Variants in DGLUCY observed in about 807,000 individuals in gnomAD.
The protein encoded by DGLUCY is D-glutamate cyclase, mitochondrial.
Under a neutral mutation model 58.5 loss-of-function variants are expected in DGLUCY, and 58 were observed. The ratio of observed to expected loss-of-function variants is 0.99; its 90% CI spans 0.80 to 1.23. The LOEUF (loss-of-function observed/expected upper bound fraction) is 1.23. DGLUCY is among the 50% of genes most tolerant of loss of function. The probability of loss-of-function intolerance (pLI) is 0.00; values close to 1 mark genes in which losing one functional copy is unlikely to be tolerated. For missense variants in DGLUCY, 779 were observed against 784.7 expected (o/e 0.99, Z 0.09); for synonymous variants, 325 against 314.1 (o/e 1.03, Z -0.37).
intron 1 of DGLUCY, among the ~76,000 whole-genome samples, chr14:91,095,070 C>A (rs1392316417): frequency 6.6e-6 from 1 of 152,164 alleles, no homozygotes; most frequent in Non-Finnish European, 1.5e-5. Context: ...CTCCTCTGGT[C>A]ATGAGACAGC....
At chr14:91,136,184 C>T (rs575762332) in intron 1 of DGLUCY, among the ~76,000 whole-genome samples, 2 of 151,846 alleles carry the variant, frequency 1.3e-5, no homozygotes, top group Admixed American at 6.6e-5. Flanking sequence ...CCACCTGCCT[C>T]GGCCTCCCAA....
chr14:91,118,853 C>T (rs994583257), intron 1 of DGLUCY, among the ~76,000 whole-genome samples: 1 of 152,116 alleles, frequency 6.6e-6, no homozygotes, highest in East Asian at 1.9e-4. Flanking sequence ...CACGGTGGCT[C>T]ATGCCTGTAA....
At chr14:91,187,986 C>T (rs536632875) in intron 8 of DGLUCY, among the ~76,000 whole-genome samples, 1 of 152,110 alleles carries the variant, frequency 6.6e-6, no homozygotes, top group South Asian at 2.1e-4. Flanking sequence ...GTACCATTTC[C>T]CTTCCCTCTT....
chr14:91,160,467 T>C (rs1303010971), intron 3 of DGLUCY, 70 bp downstream of exon 3: 1 of 1,150,794 alleles, frequency 8.7e-7, no homozygotes, highest in Non-Finnish European at 1.2e-6. Context: ...TTACCAGCTG[T>C]GTAGGGCCCA....
chr14:91,207,155 T>C (rs2140656031), intron 12 of DGLUCY, among the ~76,000 whole-genome samples: 1 of 6,360 alleles, frequency 1.6e-4, no homozygotes, highest in East Asian at 0.083. Context: ...CAAGACACTG[T>C]CTCAGGAAAA....
At chr14:91,221,058 G>A (rs78510655) in intron 13 of DGLUCY, among the ~76,000 whole-genome samples, 15,222 of 152,288 alleles carry the variant, frequency 0.1, 1,103 homozygotes, top group East Asian at 0.3. Context: ...GCCTTGAAGT[G>A]GAGGCTGGAG....
chr14:91,186,102 A>T (rs746814492), intron 8 of DGLUCY, among the ~76,000 whole-genome samples: 4 of 152,184 alleles, frequency 2.6e-5, no homozygotes, highest in Non-Finnish European at 4.4e-5. Context: ...TGATTTTTGC[A>T]CTGATGATAA....
chr14:91,195,535 TGGGTGAGAATTTG>T (rs2050148152), intron 9 of DGLUCY, among the ~76,000 whole-genome samples: 1 of 151,908 alleles, frequency 6.6e-6, no homozygotes, highest in East Asian at 1.9e-4. Flanking sequence ...AGGTAGGGAG[TGGGTGAGAATTTG>T]GGGTGAGAAT....
rs1013889256 is a variant in DGLUCY at position 91,129,738 on chromosome 14, C to T, written c.-82+15455C>T. On this transcript the variant is annotated intron_variant, in intron 1 of 13. Coordinates refer to ENST00000256324, the MANE Select transcript of DGLUCY (RefSeq NM_001102368.3). ...CTCGGCTCACCACAACCTCTGCCTT[C>T]CGGGTTCAAGCGATTCTCCTGCCTC... 5.9e-5 allele frequency among the ~76,000 whole-genome samples: 9 copies of T among 152,062 alleles called. No individual in the cohort carries two copies. The South Asian group carries it at 1.0e-3, about 17-fold the overall frequency.
rs1157907376 is a variant in DGLUCY, at chr14:91,131,941, G to A, written c.-82+17658G>A. On this transcript the variant is annotated intron_variant, in intron 1 of 13. Transcript: ENST00000256324. ...CCCAAGTAGCTGGGATTACAAGAGT[G>A]TGCCACCACACCCAGCTAATTTTGT... Among the ~76,000 whole-genome samples, 4 of 152,280 alleles carry A rather than the reference G, an allele frequency of 2.6e-5. No homozygotes were observed. In the South Asian group the frequency reaches 8.3e-4, roughly 32 times the overall value.
rs1050632083 is a variant in DGLUCY at position 91,191,225 on chromosome 14, C to T, written c.1195+2055C>T. ...AAGCCAGTCATATTGTATGACTCCACGCATATGACGTGCCTAGAGTAGGCA... is the reference window on the plus strand; with the variant it reads ...AAGCCAGTCATATTGTATGACTCCATGCATATGACGTGCCTAGAGTAGGCA... On this transcript the variant is annotated intron_variant, in intron 9 of 13. Transcript: ENST00000256324. Among the ~76,000 whole-genome samples the T allele has an allele frequency of 2.0e-5, 3 of 152,128 alleles. 1 individual carries two copies. The South Asian group carries it at 6.2e-4, about 32-fold the overall frequency.
chr14:91,124,783 T>C (rs1024498376), intron 1 of DGLUCY, among the ~76,000 whole-genome samples: 1 of 152,238 alleles, frequency 6.6e-6, no homozygotes, highest in Non-Finnish European at 1.5e-5. Context: ...TAGTAACTTC[T>C]CTTAGAAGCA....
At chr14:91,101,851 T>C (rs760927334) in intron 1 of DGLUCY, among the ~76,000 whole-genome samples, 3 of 152,194 alleles carry the variant, frequency 2.0e-5, no homozygotes, top group Non-Finnish European at 4.4e-5. Context: ...TGTGCCACCA[T>C]GTCCAGCTAA....
chr14:91,135,674 AC>A (rs2046290462), intron 1 of DGLUCY, among the ~76,000 whole-genome samples: 2 of 150,422 alleles, frequency 1.3e-5, no homozygotes, highest in South Asian at 2.1e-4. Context: ...AAAAAAAAAA[AC>A]AAGTATGGTA....
chr14:91,165,816 T>G (rs1443631972), intron 3 of DGLUCY, among the ~76,000 whole-genome samples: 1 of 152,246 alleles, frequency 6.6e-6, no homozygotes, highest in Non-Finnish European at 1.5e-5. Flanking sequence ...CAGTATCTAT[T>G]AAAGTTGCAC....
intron 1 of DGLUCY, among the ~76,000 whole-genome samples, chr14:91,098,808 G>A (rs1256270946): frequency 4.6e-5 from 7 of 152,216 alleles, no homozygotes; most frequent in African/African-American, 7.2e-5. Flanking sequence ...GCACATCCTC[G>A]GTACACTCAG....
At chr14:91,074,114 TATATACACAC>T (rs1321978106) in intron 1 of DGLUCY, among the ~76,000 whole-genome samples, 14 of 64,514 alleles carry the variant, frequency 2.2e-4, no homozygotes, top group South Asian at 7.9e-4. Context: ...AATATATATA[TATATACACAC>T]ACACACACAC....
intron 9 of DGLUCY, among the ~76,000 whole-genome samples, chr14:91,190,945 G>A (rs2049847727): frequency 6.6e-6 from 1 of 152,190 alleles, no homozygotes; most frequent in Admixed American, 6.5e-5. Context: ...GGACGGTTTG[G>A]AGTGGGGGTG....
In DGLUCY at chr14:91,223,923, T is replaced by G. The variant is rs77793373; in HGVS notation, c.1717-761T>G. 1,826 of 273,380 alleles carry G rather than the reference T, an allele frequency of 6.7e-3. 95 individuals carry two copies. In the East Asian group the frequency reaches 0.12, roughly 18 times the overall value. The allele number at this position is 273,380 out of a possible 1,614,324, so 16.9% of individuals were successfully genotyped here. Reference sequence around the variant, plus strand: ...AAATTCCTGCCAGGAAAGACTCAAGTCAGACCTTTCTGATCCCCAAACCAC... The same window carrying G: ...AAATTCCTGCCAGGAAAGACTCAAGGCAGACCTTTCTGATCCCCAAACCAC... On this transcript the variant is annotated intron_variant, in intron 13 of 13. Coordinates refer to ENST00000256324, the MANE Select transcript of DGLUCY (RefSeq NM_001102368.3).
Sources: allele counts gnomAD v4.1 joint callset (sites outside exome capture counted in the v4.1 genomes callset), GRCh38; gene constraint gnomAD v4.1.1; transcripts MANE v1.5; gene names NCBI Gene and HGNC (gene_info 2026-07-23, HGNC 2026-07-21).